Variants in FAT2 observed in about 807,000 individuals in gnomAD.
The protein encoded by FAT2 is FAT atypical cadherin 2.
Under a neutral mutation model 295.3 loss-of-function variants are expected in FAT2, and 150 were observed. That is an observed-to-expected ratio of 0.51 (90% CI 0.44 to 0.58). The LOEUF is 0.58. FAT2 is among the 20% of genes least tolerant of loss of function. The pLI is 0.00. For synonymous variants in FAT2, 2,026 were observed against 2,150.3 expected, an observed-to-expected ratio of 0.94 and a Z score of 1.60; for missense variants, 4,868 against 5,442.7, an observed-to-expected ratio of 0.89 and a Z score of 3.32.
At position 151,506,151 on chromosome 5, in the gene FAT2, GC is replaced by G. The variant is rs1561807461; in HGVS notation, c.12518-55del. 4.0e-6 allele frequency: 6 copies of G among 1,487,734 alleles called. No individual in the cohort carries two copies. In the African/African-American group the frequency reaches 8.4e-5, roughly 21 times the overall value. The allele number at this position is 1,487,734 out of a possible 1,614,324, so 92.2% of individuals were successfully genotyped here. On this transcript the variant is annotated intron_variant, in intron 23 of 23. Coordinates refer to ENST00000261800, the MANE Select transcript of FAT2 (RefSeq NM_001447.3). The stretch of plus-strand genomic sequence containing the variant: ...CTCATTTTCTCCCCGGAAGGTTTCA[GC>G]TGGCTCTATAGCAACTATATATAAC...
chr5:151,522,181 G>T (rs1753536037), intron 18 of FAT2, 95 bp from the exon 19 acceptor site: 1 of 994,406 alleles, frequency 1.0e-6, no homozygotes. Context: ...ACGTTTCTCT[G>T]CCCCACGCCC....
intron 21 of FAT2, 138 bp from the exon 22 acceptor site, chr5:151,510,312 C>G: frequency 1.0e-6 from 1 of 986,034 alleles, no homozygotes; most frequent in Non-Finnish European, 1.5e-6. Flanking sequence ...TGCCCAATAC[C>G]GTGCTGGGCA....
At chr5:151,572,020 A>G (rs1432865) in intron 1 of FAT2, among the ~76,000 whole-genome samples, 81,924 of 151,994 alleles carry the variant, frequency 0.54, 22,562 homozygotes, top group Non-Finnish European at 0.6. Context: ...CACATGAATA[A>G]TTCCTTCTTG....
At chr5:151,523,275 C>T (rs928843490) in intron 18 of FAT2, among the ~76,000 whole-genome samples, 5 of 151,910 alleles carry the variant, frequency 3.3e-5, no homozygotes, top group African/African-American at 7.3e-5. Flanking sequence ...CTACTACTAC[C>T]GATTATATAT....
chr5:151,568,452 G>T lies in FAT2; in HGVS notation c.480C>A (p.Asp160Glu). 6.2e-7 allele frequency: 1 copy of T among 1,614,218 alleles called. No homozygotes were observed. Among genetic ancestry groups the T allele is most frequent in the South Asian group, 1.1e-5 (1 of 91,080 alleles). Residue 160 changes from aspartate to glutamate, a missense_variant, in exon 2 of 24, where the codon GAC (aspartate) becomes GAA (glutamate). Physicochemically the swap from Asp to Glu is conservative, Grantham distance 45. Around this residue, in one of 5 missense-constraint regions of FAT2, gnomAD observed 3,297 missense variants for 3,669.4 expected, o/e 0.90. Transcript: ENST00000261800. The part of the protein sequence containing the change: ...PPSYRVTISE[D>E]MPLKSPICKV... ...TGCAGATGGGGCTCTTCAGGGGCATGTCCTCAGAGATGGTGACTCTGTACG... is the reference window on the plus strand; with the variant it reads ...TGCAGATGGGGCTCTTCAGGGGCATTTCCTCAGAGATGGTGACTCTGTACG...
In FAT2 at chr5:151,544,444, G is replaced by A. The variant is rs1301510347; in HGVS notation, c.6683C>T (p.Thr2228Ile). The change falls in exon 10 of 24, where the codon ACA (threonine) becomes ATA (isoleucine). Residue 2228 changes from threonine (T) to isoleucine (I), a missense_variant. Transcript: ENST00000261800. Reference sequence around the variant, plus strand: ...CTTGGACTCATAGTCCAAAGGCCCTGTTACTGTTAGGACACCAGTCTTGAA... The same window carrying A: ...CTTGGACTCATAGTCCAAAGGCCCTATTACTGTTAGGACACCAGTCTTGAA... ...TDFKTGVLTV[T>I]GPLDYESKTK... 1 of 1,614,204 alleles carries A rather than the reference G, an allele frequency of 6.2e-7. No individual in the cohort carries two copies. Among genetic ancestry groups the A allele is most frequent in the Admixed American group, 1.7e-5 (1 of 60,020 alleles).
At chr5:151,586,389 C>T (rs1256324938) in intron 1 of FAT2, among the ~76,000 whole-genome samples, 2 of 152,114 alleles carry the variant, frequency 1.3e-5, no homozygotes, top group African/African-American at 4.8e-5. Flanking sequence ...AGGGGCCGCC[C>T]AGGAACAGAA....
At chr5:151,523,900 G>A (rs66479382) in intron 18 of FAT2, among the ~76,000 whole-genome samples, 3 of 151,906 alleles carry the variant, frequency 2.0e-5, no homozygotes, top group East Asian at 3.9e-4. Flanking sequence ...CACTACCACC[G>A]AAGTCTTCAT....
chr5:151,544,851 T>C lies in FAT2; in HGVS notation c.6276A>G (p.Val2092=), dbSNP rs748207401. The stretch of plus-strand genomic sequence containing the variant: ...TCCCCAAGTCCTCATCAGTGGCAGA[T>C]ACCTGAAAGAGGACATCCCCTGGCT... ...GTEPGDVLFQ[V]SATDEDLGTN... Residue 2092 remains valine, a synonymous_variant, in exon 10 of 24, where the codon GTA becomes GTG. Transcript: ENST00000261800. The C allele has an allele frequency of 4.3e-6, 7 of 1,614,204 alleles. No homozygotes were observed. Among genetic ancestry groups the C allele is most frequent in the South Asian group, 1.1e-5 (1 of 91,086 alleles).
chr5:151,585,625 T>C (rs946016397), intron 1 of FAT2, among the ~76,000 whole-genome samples: 4 of 152,140 alleles, frequency 2.6e-5, no homozygotes, highest in African/African-American at 9.7e-5. Flanking sequence ...GAAAAAAATA[T>C]ATATATATCA....
At chr5:151,516,040 C>T (rs1752833076) in intron 20 of FAT2, among the ~76,000 whole-genome samples, 1 of 152,172 alleles carries the variant, frequency 6.6e-6, no homozygotes, top group South Asian at 2.1e-4. Context: ...AACTCCAACC[C>T]ATTGCTTAAA....
chr5:151,555,353 C>G (rs939990136), intron 4 of FAT2, among the ~76,000 whole-genome samples: 4 of 149,784 alleles, frequency 2.7e-5, no homozygotes, highest in African/African-American at 9.8e-5. Flanking sequence ...CTACTTCTTA[C>G]TAATAATATA....
chr5:151,559,176 T>A (rs1757912164), intron 3 of FAT2, among the ~76,000 whole-genome samples: 1 of 151,486 alleles, frequency 6.6e-6, no homozygotes, highest in African/African-American at 2.4e-5. Flanking sequence ...GCAATGGGAG[T>A]GTGGTGTGAG....
chr5:151,579,444 C>T (rs1298460306), intron 1 of FAT2, among the ~76,000 whole-genome samples: 2 of 152,040 alleles, frequency 1.3e-5, no homozygotes, highest in Non-Finnish European at 2.9e-5. Flanking sequence ...TGGTGATTTG[C>T]ATCTGTAATC....
intron 10 of FAT2, among the ~76,000 whole-genome samples, chr5:151,541,982 GAC>G (rs1356368045): frequency 6.6e-6 from 1 of 152,172 alleles, no homozygotes; most frequent in Non-Finnish European, 1.5e-5. Context: ...TCTTTCAAAA[GAC>G]AACTGACAGC....
chr5:151,586,345 G>A (rs577550999), intron 1 of FAT2, among the ~76,000 whole-genome samples: 1 of 152,372 alleles, frequency 6.6e-6, no homozygotes, highest in South Asian at 2.1e-4. Flanking sequence ...CGGAAGGATA[G>A]ATGGCATTTT....
Position 151,545,194 on chromosome 5 carries a change from T to C in FAT2, c.5933A>G (p.Lys1978Arg). The change falls in exon 10 of 24, where the codon AAG becomes AGG. Residue 1978 changes from lysine to arginine, a missense_variant. Transcript: ENST00000261800. ...TGCCTTTCTGTCCTGCAAGTTCTCC[T>C]TCACAGCTGCCCAGTAGACATCCTG... The part of the protein sequence containing the change: ...FDQDVYWAAV[K>R]ENLQDRKALV... 6.2e-7 allele frequency: 1 copy of C among 1,614,210 alleles called. No homozygotes were observed. Among genetic ancestry groups the C allele is most frequent in the Non-Finnish European group, 8.5e-7 (1 of 1,180,046 alleles).
intron 3 of FAT2, among the ~76,000 whole-genome samples, chr5:151,561,392 C>CTT (rs59201815): frequency 6.7e-6 from 1 of 149,856 alleles, no homozygotes; most frequent in African/African-American, 2.5e-5. Flanking sequence ...CTTTCTCTCT[C>CTT]TTTTTTTTTT....
chr5:151,552,379 A>G (rs919393963), intron 6 of FAT2, among the ~76,000 whole-genome samples: 9 of 152,216 alleles, frequency 5.9e-5, no homozygotes, highest in African/African-American at 2.2e-4. Flanking sequence ...CAGAACTGGA[A>G]GTAAGTTCAG....
Sources: gnomAD v4.1 joint callset for allele counts (sites outside exome capture counted in the v4.1 genomes callset) on GRCh38, gnomAD v4.1.1 for gene constraint, gnomAD v4.1.1 regional missense constraint, MANE v1.5 for transcripts, NCBI Gene and HGNC (gene_info 2026-07-23, HGNC 2026-07-21) for gene names.